Variants in POLR2B observed in about 807,000 individuals in gnomAD.
The protein encoded by POLR2B is DNA-directed RNA polymerase II subunit RPB2.
Under a neutral mutation model 144.6 loss-of-function variants are expected in POLR2B, and 57 were observed. The ratio of observed to expected loss-of-function variants is 0.39; its 90% CI spans 0.32 to 0.49. The LOEUF is 0.49. Ranked by LOEUF, POLR2B falls within the 20% of genes least tolerant of loss-of-function variation. The pLI is 0.83. For synonymous variants in POLR2B, 442 were observed against 469.8 expected (o/e 0.94, Z 0.77); for missense variants, 595 against 1,467.4 (o/e 0.41, Z 9.71).
chr4:57,022,017 A>C (rs1017702828), intron 17 of POLR2B, 135 bp from the exon 18 acceptor site: 23 of 610,780 alleles, frequency 3.8e-5, no homozygotes, highest in African/African-American at 3.5e-4. Flanking sequence ...TCAGATCCTT[A>C]ATGCAGTTAC....
intron 23 of POLR2B, among the ~76,000 whole-genome samples, chr4:57,027,849 A>G (rs899352485): frequency 3.3e-5 from 5 of 152,216 alleles, no homozygotes; most frequent in Non-Finnish European, 5.9e-5. Flanking sequence ...AACACACTTC[A>G]TTATAATAAA....
chr4:57,026,372 A>G (rs1450795001), intron 23 of POLR2B, among the ~76,000 whole-genome samples: 1 of 152,130 alleles, frequency 6.6e-6, no homozygotes, highest in Non-Finnish European at 1.5e-5. Flanking sequence ...CACTGCACCC[A>G]GCCCTCTTGA....
chr4:57,026,763 T>TAACAA lies in POLR2B; in HGVS notation c.3239+1244_3239+1248dup, dbSNP rs1212310693. 5.3e-5 allele frequency among the ~76,000 whole-genome samples: 8 copies of TAACAA among 151,806 alleles called. No homozygotes were observed. In the East Asian group the frequency reaches 5.9e-4, roughly 11 times the overall value. On this transcript the variant is annotated intron_variant, in intron 23 of 24. Coordinates refer to ENST00000314595, the MANE Select transcript of POLR2B (RefSeq NM_000938.3). The stretch of plus-strand genomic sequence containing the variant: ...GCGACAGAGTGAGACTCTGTCTCGA[T>TAACAA]AACAAAACAAAACAAAACAAAAAAC...
intron 10 of POLR2B, among the ~76,000 whole-genome samples, chr4:57,009,282 AGT>A (rs1262767777): frequency 2.0e-5 from 3 of 152,134 alleles, no homozygotes; most frequent in Admixed American, 1.3e-4. Flanking sequence ...AGAGTGGAGA[AGT>A]GTATTTCATT....
At chr4:57,010,638 T>TTAG in intron 11 of POLR2B, 110 bp from the exon 12 acceptor site, 2 of 1,349,358 alleles carry the variant, frequency 1.5e-6, no homozygotes, top group South Asian at 2.9e-5. Context: ...AATTGTATTC[T>TTAG]TAGAAAGTAA....
intron 17 of POLR2B, 89 bp downstream of exon 17, chr4:57,021,084 A>G (rs1578589936): frequency 6.6e-6 from 5 of 761,482 alleles, no homozygotes; most frequent in East Asian, 5.1e-5. Context: ...CAGTTTAACT[A>G]CGCCGCACTC....
intron 2 of POLR2B, among the ~76,000 whole-genome samples, chr4:56,989,812 A>C (rs1268416055): frequency 2.0e-5 from 3 of 152,086 alleles, no homozygotes; most frequent in Non-Finnish European, 4.4e-5. Context: ...CTGTCCCTGG[A>C]TGGTAATAGG....
chr4:56,985,819 T>C (rs1722306683), intron 1 of POLR2B, among the ~76,000 whole-genome samples: 1 of 152,194 alleles, frequency 6.6e-6, no homozygotes, highest in Non-Finnish European at 1.5e-5. Flanking sequence ...TTCTCTTAAG[T>C]TACAGGAGAG....
At chr4:56,982,919 C>G (rs1219168826) in intron 1 of POLR2B, among the ~76,000 whole-genome samples, 1 of 152,176 alleles carries the variant, frequency 6.6e-6, no homozygotes, top group East Asian at 1.9e-4. Flanking sequence ...TCTTTCACCT[C>G]TATATCTAAT....
chr4:56,999,048 C>G (rs1470713572), intron 6 of POLR2B, among the ~76,000 whole-genome samples: 2 of 151,910 alleles, frequency 1.3e-5, no homozygotes, highest in African/African-American at 4.8e-5. Context: ...TTTGTATATG[C>G]GTACAATTAA....
intron 14 of POLR2B, among the ~76,000 whole-genome samples, chr4:57,016,734 T>C (rs1723379613): frequency 6.7e-6 from 1 of 150,094 alleles, no homozygotes; most frequent in South Asian, 2.1e-4. Flanking sequence ...AAACAATATG[T>C]ATGATAAATT....
intron 1 of POLR2B, among the ~76,000 whole-genome samples, chr4:56,979,791 C>T (rs1722097095): frequency 1.3e-5 from 2 of 151,270 alleles, no homozygotes. Context: ...CCCAGCTACT[C>T]GGGAGGCTGA....
chr4:57,031,061 G>T lies in POLR2B; in HGVS notation c.*73G>T. The T allele has an allele frequency of 1.1e-6, 1 of 938,554 alleles. No homozygotes were observed. Among genetic ancestry groups the T allele is most frequent in the South Asian group, 1.3e-5 (1 of 76,280 alleles). 58.1% of individuals were successfully genotyped at this position (938,554 alleles called of 1,614,324 possible). ...TTCTATTGTGTGGCTTTTTAAAAAT[G>T]ACAAATATGTACTGTGTTGTGATAA... is the stretch of plus-strand genomic sequence containing the variant. On this transcript the variant is annotated 3_prime_UTR_variant, in exon 25 of 25. Coordinates refer to ENST00000314595, the MANE Select transcript of POLR2B (RefSeq NM_000938.3).
intron 6 of POLR2B, among the ~76,000 whole-genome samples, chr4:56,996,802 G>GT (rs1477091283): frequency 6.6e-6 from 1 of 152,082 alleles, no homozygotes; most frequent in Non-Finnish European, 1.5e-5. Flanking sequence ...TATTGAGAAG[G>GT]TGGCCAGGTG....
chr4:57,027,528 A>G (rs557669507), intron 23 of POLR2B, among the ~76,000 whole-genome samples: 1 of 151,566 alleles, frequency 6.6e-6, no homozygotes, highest in African/African-American at 2.4e-5. Context: ...GCTGGTCTCA[A>G]ACTCCTGAGC....
At chr4:56,996,205 CAT>C (rs1491235168) in intron 6 of POLR2B, among the ~76,000 whole-genome samples, 23 of 41,156 alleles carry the variant, frequency 5.6e-4, no homozygotes, top group South Asian at 1.6e-3. Context: ...TATTTCAGTT[CAT>C]GTGTGTGTGT....
At chr4:56,990,981 T>A in intron 3 of POLR2B, 83 bp downstream of exon 3, 1 of 1,203,678 alleles carries the variant, frequency 8.3e-7, no homozygotes, top group Non-Finnish European at 1.1e-6. Flanking sequence ...GCTTAAAGGT[T>A]AAAAAAAGTC....
chr4:57,020,817 G>A (rs1723518492), intron 16 of POLR2B, 82 bp from the exon 17 acceptor site: 1 of 807,722 alleles, frequency 1.2e-6, no homozygotes, highest in African/African-American at 1.7e-5. Flanking sequence ...CAAATATGAT[G>A]TAATTAAAGT....
intron 10 of POLR2B, 125 bp from the exon 11 acceptor site, chr4:57,010,236 A>G (rs1723146275): frequency 2.4e-6 from 2 of 835,706 alleles, no homozygotes; most frequent in East Asian, 5.1e-5. Context: ...ATTCAGGGAA[A>G]GAATAGAGAA....
Sources: gnomAD v4.1 joint callset for allele counts (sites outside exome capture counted in the v4.1 genomes callset) on GRCh38, gnomAD v4.1.1 for gene constraint, MANE v1.5 for transcripts, NCBI Gene and HGNC (gene_info 2026-07-23, HGNC 2026-07-21) for gene names.